Variants in POR observed in about 807,000 individuals in gnomAD.
POR encodes cytochrome p450 oxidoreductase.
Under a neutral mutation model 84.0 loss-of-function variants are expected in POR, and 56 were observed. That is an observed-to-expected ratio of 0.67 (90% confidence interval 0.54 to 0.83). POR has a LOEUF of 0.83. Among genes scored for constraint, POR ranks in the 40% least tolerant of loss-of-function variants. POR has a pLI of 0.00. For missense variants in POR, 938 were observed against 944.3 expected (o/e 0.99, Z 0.09); for synonymous variants, 414 against 400.5 (o/e 1.03, Z -0.40).
chr7:75,940,495 A>G (rs1807925413), intron 1 of POR, among the ~76,000 whole-genome samples: 1 of 150,668 alleles, frequency 6.6e-6, no homozygotes, highest in African/African-American at 2.4e-5. Context: ...AAACGTAGGC[A>G]CTCTCGTGGC....
intron 2 of POR, among the ~76,000 whole-genome samples, chr7:75,954,951 G>A (rs371878638): frequency 4.6e-5 from 7 of 151,996 alleles, no homozygotes; most frequent in South Asian, 4.2e-4. Context: ...CAAGTGATCC[G>A]CCCACCTCGG....
intron 2 of POR, among the ~76,000 whole-genome samples, chr7:75,960,154 G>A (rs1182467977): frequency 1.3e-5 from 2 of 151,952 alleles, no homozygotes; most frequent in Non-Finnish European, 2.9e-5. Context: ...AGCCAGGCAC[G>A]GTAGCATACG....
chr7:75,945,594 C>T (rs976383353), intron 1 of POR, among the ~76,000 whole-genome samples: 2 of 152,206 alleles, frequency 1.3e-5, no homozygotes, highest in Admixed American at 1.3e-4. Flanking sequence ...GGGTATGGTT[C>T]CATGAGGGTT....
chr7:75,979,907 T>G (rs527261762), intron 4 of POR: 2 of 376,736 alleles, frequency 5.3e-6, no homozygotes, highest in Non-Finnish European at 9.9e-6. Context: ...CTTCGAGGTC[T>G]TGGTGACGGG....
chr7:75,951,845 T>G (rs1214703398), intron 1 of POR, among the ~76,000 whole-genome samples: 1 of 152,248 alleles, frequency 6.6e-6, no homozygotes, highest in Non-Finnish European at 1.5e-5. Context: ...TCATGTCACG[T>G]CTGCCTACCA....
chr7:75,923,507 G>T, intron 1 of POR: 1 of 481,960 alleles, frequency 2.1e-6, no homozygotes. Flanking sequence ...GTTATTTTTG[G>T]GGGCGGGGTG....
rs781824220 is a variant in POR at position 75,981,088 on chromosome 7, C to G, written c.557C>G (p.Ala186Gly). The stretch of plus-strand genomic sequence containing the variant: ...AACAAGACCTACGAGCACTTCAATG[C>G]CATGGGCAAGTACGTGGACAAGCGG... The change falls in exon 6 of 16, where the codon GCC becomes GGC. Residue 186 changes from alanine (A) to glycine (G), a missense_variant. Transcript: ENST00000461988. 2 of 1,574,460 alleles carry G rather than the reference C, an allele frequency of 1.3e-6. No individual in the cohort carries two copies. The highest frequency in any genetic ancestry group is 2.7e-5 in the African/African-American group (2 of 73,972).
chr7:75,954,328 T>A, intron 2 of POR, 148 bp downstream of exon 2: 1 of 788,808 alleles, frequency 1.3e-6, no homozygotes, highest in Non-Finnish European at 2.0e-6. Flanking sequence ...TGCTAGATTG[T>A]GCTTGAGCTC....
At position 75,981,133 on chromosome 7, in the gene POR, A is replaced by G. The variant is rs532294040; in HGVS notation, c.602A>G (p.Gln201Arg). 4 of 1,556,590 alleles carry G rather than the reference A, an allele frequency of 2.6e-6. No individual in the cohort carries two copies. In the African/African-American group the frequency reaches 5.4e-5, roughly 21 times the overall value. Residue 201 changes from glutamine to arginine, a missense_variant, in exon 6 of 16, where the codon CAG (glutamine) becomes CGG (arginine). Physicochemically the swap from Gln to Arg is conservative, Grantham distance 43 (BLOSUM62 1). Coordinates refer to ENST00000461988, the MANE Select transcript of POR (RefSeq NM_000941.3). ...AAGCGGCTGGAGCAGCTCGGCGCCC[A>G]GCGCATCTTTGAGCTGGGGTTGGGC...
At chr7:75,974,218 A>G (rs1318576808) in intron 3 of POR, among the ~76,000 whole-genome samples, 1 of 152,190 alleles carries the variant, frequency 6.6e-6, no homozygotes, top group East Asian at 1.9e-4. Flanking sequence ...CACATTTCAA[A>G]TACAAAGCAG....
At chr7:75,946,485 G>A (rs1787180589) in intron 1 of POR, among the ~76,000 whole-genome samples, 1 of 152,050 alleles carries the variant, frequency 6.6e-6, no homozygotes, top group African/African-American at 2.4e-5. Context: ...GTGGGGTTTT[G>A]CCATGTTACC....
At chr7:75,927,044 G>A (rs1339071596) in intron 1 of POR, among the ~76,000 whole-genome samples, 3 of 152,176 alleles carry the variant, frequency 2.0e-5, no homozygotes, top group African/African-American at 7.2e-5. Context: ...AAAAGGTCTT[G>A]AAGGGCAGAC....
At chr7:75,951,937 G>T (rs936521875) in intron 1 of POR, among the ~76,000 whole-genome samples, 1 of 152,072 alleles carries the variant, frequency 6.6e-6, no homozygotes, top group South Asian at 2.1e-4. Flanking sequence ...CCTCCCTCCC[G>T]GACGGGGCGG....
intron 1 of POR, among the ~76,000 whole-genome samples, chr7:75,946,412 A>G (rs1444959881): frequency 1.3e-5 from 2 of 151,904 alleles, no homozygotes; most frequent in Non-Finnish European, 2.9e-5. Context: ...TCGGCCTGCC[A>G]CATAGCTGGG....
chr7:75,958,452 T>C (rs1787779800), intron 2 of POR, among the ~76,000 whole-genome samples: 1 of 152,018 alleles, frequency 6.6e-6, no homozygotes, highest in Admixed American at 6.6e-5. Context: ...ATTAATACCA[T>C]CTCCAGTCTT....
chr7:75,916,188 C>T (rs1449841753), intron 1 of POR, among the ~76,000 whole-genome samples: 2 of 152,158 alleles, frequency 1.3e-5, no homozygotes, highest in East Asian at 3.9e-4. Context: ...GCTCTCCCCA[C>T]AGGGTTGAGA....
At chr7:75,931,663 C>G (rs1460098764) in intron 1 of POR, among the ~76,000 whole-genome samples, 1 of 152,050 alleles carries the variant, frequency 6.6e-6, no homozygotes, top group African/African-American at 2.4e-5. Context: ...GCCTCCGCAC[C>G]TGGCCTGTTT....
rs547817208 is a variant in POR at position 75,985,702 on chromosome 7, G to A, written c.1522G>A (p.Gly508Ser). 1.9e-6 allele frequency: 3 copies of A among 1,588,402 alleles called. No individual in the cohort carries two copies. Among genetic ancestry groups the A allele is most frequent in the East Asian group, 4.6e-5 (2 of 43,432 alleles). The change falls in exon 13 of 16, where the codon GGC (glycine) becomes AGC (serine). Residue 508 changes from glycine (G) to serine (S), a missense_variant. Transcript: ENST00000461988. ...CAAGGAGCCTGCCGGGGAGAACGGCGGCCGTGCGCTGGTGCCCATGTTCGT... is the reference window on the plus strand; with the variant it reads ...CAAGGAGCCTGCCGGGGAGAACGGCAGCCGTGCGCTGGTGCCCATGTTCGT...
At chr7:75,980,270 T>C in intron 4 of POR, 69 bp from the exon 5 acceptor site, 6 of 1,553,602 alleles carry the variant, frequency 3.9e-6, no homozygotes, top group Non-Finnish European at 5.2e-6. Flanking sequence ...GCCTTCCCCA[T>C]CTGGTGCGGG....
Sources: allele counts gnomAD v4.1 joint callset (sites outside exome capture counted in the v4.1 genomes callset), GRCh38; gene constraint gnomAD v4.1.1; transcripts MANE v1.5; gene names NCBI Gene and HGNC (gene_info 2026-07-23, HGNC 2026-07-21).